RBKS: variants seen among roughly 807,000 people sequenced by gnomAD.
The protein encoded by RBKS is ribokinase.
Under a neutral mutation model 33.9 loss-of-function variants are expected in RBKS, and 33 were observed. The ratio of observed to expected loss-of-function variants is 0.97; its 90% CI spans 0.74 to 1.30. The LOEUF (loss-of-function observed/expected upper bound fraction) is 1.30, where lower values mean the gene tolerates loss of function less well. Ranked by LOEUF, RBKS falls within the 50% of genes most tolerant of loss-of-function variation. The pLI is 0.00. For missense variants in RBKS, 361 were observed against 392.6 expected, an observed-to-expected ratio of 0.92 and a Z score of 0.68; for synonymous variants, 125 against 143.0, an observed-to-expected ratio of 0.87 and a Z score of 0.90.
In RBKS at chr2:27,795,104, G is replaced by A. The variant is rs914720855; in HGVS notation, c.796-13316C>T. On this transcript the variant is annotated intron_variant, in intron 7 of 7. Transcript: ENST00000302188. This position sits in a 1 kb window ranked among gnomAD's most constrained non-coding sequence, Gnocchi z 4.1. Reference sequence around the variant, plus strand: ...CAATCTCCATGTGTTAAACTCTTACGAGAGGTCGGAAATCTCGTCCATGTC... The same window carrying A: ...CAATCTCCATGTGTTAAACTCTTACAAGAGGTCGGAAATCTCGTCCATGTC... Among the ~76,000 whole-genome samples the A allele has an allele frequency of 1.3e-5, 2 of 152,142 alleles. No homozygotes were observed. The highest frequency in any genetic ancestry group is 4.8e-5 in the African/African-American group (2 of 41,424).
chr2:27,881,243 G>T (rs1447889306), intron 1 of RBKS, among the ~76,000 whole-genome samples: 1 of 150,166 alleles, frequency 6.7e-6, no homozygotes, highest in Non-Finnish European at 1.5e-5. Context: ...GCAAGATCCT[G>T]TCTCAAGAAA....
At chr2:27,830,454 C>T (rs553766630) in intron 6 of RBKS, among the ~76,000 whole-genome samples, 7 of 151,908 alleles carry the variant, frequency 4.6e-5, no homozygotes, top group Non-Finnish European at 1.0e-4. Flanking sequence ...TTAGTAGAGA[C>T]GGGGTTTCAC....
intron 7 of RBKS, among the ~76,000 whole-genome samples, chr2:27,785,245 A>T (rs1199201689): frequency 2.0e-5 from 3 of 152,240 alleles, no homozygotes; most frequent in Non-Finnish European, 4.4e-5. Flanking sequence ...TTTAAAAATT[A>T]TATGTCCAAA....
intron 7 of RBKS, among the ~76,000 whole-genome samples, chr2:27,789,542 A>G (rs1558532728): frequency 6.6e-6 from 1 of 150,704 alleles, no homozygotes; most frequent in Non-Finnish European, 1.5e-5. Context: ...GGGAGTATAG[A>G]TGTGTGCCAC....
intron 7 of RBKS, among the ~76,000 whole-genome samples, chr2:27,822,890 T>A (rs903914383): frequency 1.4e-4 from 21 of 152,266 alleles, no homozygotes; most frequent in Admixed American, 8.5e-4. Flanking sequence ...GACTAAATTC[T>A]TGAGAGTGTT....
rs1367235540 is a variant in RBKS, at chr2:27,832,705, AAC to A, written c.585_586del (p.Phe196LeufsTer4). 1 of 1,612,738 alleles carries A rather than the reference AAC, an allele frequency of 6.2e-7. No individual in the cohort carries two copies. Among genetic ancestry groups the A allele is most frequent in the Non-Finnish European group, 8.5e-7 (1 of 1,178,924 alleles). On this transcript the variant is annotated frameshift_variant, in exon 6 of 8. Transcript: ENST00000302188. LOFTEE classifies it high-confidence loss of function. ...CCTTACCTCACTTTCATTGCAGCAG[AAC>A]ACATCTGAGAGGGTGTAGAACTGGG...
chr2:27,832,412 A>G (rs1234438862), intron 6 of RBKS, among the ~76,000 whole-genome samples: 1 of 152,236 alleles, frequency 6.6e-6, no homozygotes, highest in Non-Finnish European at 1.5e-5. Flanking sequence ...AGAAAAGAAA[A>G]CAAAACACCA....
chr2:27,878,365 A>C (rs1481185280), intron 1 of RBKS, among the ~76,000 whole-genome samples: 1 of 150,982 alleles, frequency 6.6e-6, no homozygotes, highest in Non-Finnish European at 1.5e-5. Flanking sequence ...TGAACTCATC[A>C]TTTTTTATGG....
chr2:27,858,850 T>C (rs1431995621), intron 1 of RBKS, among the ~76,000 whole-genome samples: 1 of 152,214 alleles, frequency 6.6e-6, no homozygotes, highest in African/African-American at 2.4e-5. Flanking sequence ...TGAATACTTT[T>C]CCTTCATATT....
chr2:27,889,524 C>A (rs1294266822), intron 1 of RBKS, among the ~76,000 whole-genome samples: 2 of 151,942 alleles, frequency 1.3e-5, no homozygotes, highest in African/African-American at 4.8e-5. Context: ...GAAAAGCTAC[C>A]TTAATTTAAA....
intron 1 of RBKS, among the ~76,000 whole-genome samples, chr2:27,879,302 A>G (rs1664375595): frequency 1.3e-5 from 2 of 152,116 alleles, no homozygotes; most frequent in Non-Finnish European, 1.5e-5. Flanking sequence ...GAGCAGTGCT[A>G]TGGTTCAAAT....
At chr2:27,887,372 A>G (rs974188763) in intron 1 of RBKS, among the ~76,000 whole-genome samples, 4 of 152,254 alleles carry the variant, frequency 2.6e-5, no homozygotes, top group South Asian at 2.1e-4. Context: ...TGAGACCTGT[A>G]TCAGACTTCT....
intron 2 of RBKS, 144 bp downstream of exon 2, chr2:27,858,295 T>C (rs997236536): frequency 9.6e-5 from 64 of 664,426 alleles, no homozygotes; most frequent in South Asian, 6.8e-4. Flanking sequence ...GAAGTGGTGG[T>C]TGAATGTATT....
intron 1 of RBKS, among the ~76,000 whole-genome samples, chr2:27,863,085 T>C (rs1182965180): frequency 6.6e-6 from 1 of 152,212 alleles, no homozygotes; most frequent in East Asian, 1.9e-4. Flanking sequence ...ACAGTATTAG[T>C]AGAAATACAT....
At chr2:27,786,674 C>T (rs1469686203) in intron 7 of RBKS, among the ~76,000 whole-genome samples, 8 of 151,218 alleles carry the variant, frequency 5.3e-5, no homozygotes, top group Admixed American at 1.3e-4. Flanking sequence ...CCCAGCTACT[C>T]GGGAGGCTGA....
chr2:27,851,544 T>G (rs1663745421), intron 2 of RBKS, among the ~76,000 whole-genome samples: 2 of 152,106 alleles, frequency 1.3e-5, no homozygotes, highest in African/African-American at 4.8e-5. Flanking sequence ...AATTTTTTAT[T>G]TTTTTATTTT....
At chr2:27,889,736 C>T (rs756980785) in intron 1 of RBKS, among the ~76,000 whole-genome samples, 5 of 152,326 alleles carry the variant, frequency 3.3e-5, no homozygotes, top group Middle Eastern at 3.4e-3. Context: ...CGACAATCAA[C>T]ATGGTGAAAG....
chr2:27,872,666 T>A (rs545910824), intron 1 of RBKS, among the ~76,000 whole-genome samples: 129 of 152,248 alleles, frequency 8.5e-4, no homozygotes, highest in African/African-American at 3.1e-3. Flanking sequence ...AACCAATAAA[T>A]TAGCCGTAAA....
In RBKS at chr2:27,781,665, T is replaced by C; in HGVS notation, c.919A>G (p.Thr307Ala). 1 of 1,614,088 alleles carries C rather than the reference T, an allele frequency of 6.2e-7. No individual in the cohort carries two copies. Among genetic ancestry groups the C allele is most frequent in the Non-Finnish European group, 8.5e-7 (1 of 1,179,996 alleles). ...IAAVSVQAAG[T>A]QSSYPYKKDL... is the part of the protein sequence containing the mutation. ...TTTTTGTAAGGGTAAGATGACTGTGTTCCTGCAGCCTGGACACTGACTGCT... is the reference window on the plus strand; with the variant it reads ...TTTTTGTAAGGGTAAGATGACTGTGCTCCTGCAGCCTGGACACTGACTGCT... The change falls in exon 8 of 8, where the codon ACA becomes GCA. Residue 307 changes from threonine (T) to alanine (A), a missense_variant. By Grantham distance (58) the Thr-to-Ala change is moderately conservative. Transcript: ENST00000302188.
Sources: gnomAD v4.1 joint callset for allele counts (sites outside exome capture counted in the v4.1 genomes callset) on GRCh38, gnomAD v4.1.1 for gene constraint, Gnocchi (gnomAD v3.1) non-coding constraint, MANE v1.5 for transcripts, NCBI Gene and HGNC (gene_info 2026-07-23, HGNC 2026-07-21) for gene names.